Variants in MAP7 observed in about 807,000 individuals in gnomAD.
MAP7 encodes the protein microtubule associated protein 7, also known as ensconsin.
A neutral mutation model predicts 94.8 loss-of-function variants in MAP7; 52 were observed. The ratio of observed to expected loss-of-function variants is 0.55; its 90% confidence interval spans 0.44 to 0.69. The LOEUF (loss-of-function observed/expected upper bound fraction) is 0.69. MAP7 is among the 30% of genes least tolerant of loss of function. The pLI, the probability that MAP7 is intolerant of heterozygous loss-of-function variation, is 0.00. For missense variants in MAP7, 940 were observed against 964.6 expected (o/e 0.97, Z 0.34); for synonymous variants, 350 against 357.0 (o/e 0.98, Z 0.22).
intron 6 of MAP7, among the ~76,000 whole-genome samples, chr6:136,379,444 T>C (rs1777121964): frequency 1.3e-5 from 2 of 152,188 alleles, no homozygotes; most frequent in Admixed American, 6.5e-5. Context: ...ACTACTGCAA[T>C]AGTTACAATT....
Position 136,544,863 on chromosome 6 carries a change from G to A in MAP7, c.67+5479C>T, listed in dbSNP as rs552855012. On this transcript the variant is annotated intron_variant, in intron 1 of 17. Transcript: ENST00000354570. Reference sequence around the variant, plus strand: ...TAGTCCCAGCTACTCGAACAGCTAAGCCGGGAGGATCACTTGAGCCCAGGA... The same window carrying A: ...TAGTCCCAGCTACTCGAACAGCTAAACCGGGAGGATCACTTGAGCCCAGGA... Among the ~76,000 whole-genome samples the A allele has an allele frequency of 1.9e-4, 29 of 152,220 alleles. 1 individual carries two copies. The South Asian group carries it at 5.8e-3, about 30-fold the overall frequency.
intron 1 of MAP7, among the ~76,000 whole-genome samples, chr6:136,534,195 T>C (rs913984029): frequency 6.6e-6 from 1 of 152,204 alleles, no homozygotes; most frequent in Non-Finnish European, 1.5e-5. Context: ...ATATATTGTA[T>C]ATAAAGACTT....
intron 1 of MAP7, among the ~76,000 whole-genome samples, chr6:136,470,821 T>C (rs1419059050): frequency 4.6e-5 from 7 of 152,018 alleles, no homozygotes; most frequent in South Asian, 2.1e-4. Flanking sequence ...TGAAAGCATA[T>C]GGATAGGCTA....
chr6:136,360,165 T>C, intron 13 of MAP7, 134 bp from the exon 14 acceptor site: 1 of 736,616 alleles, frequency 1.4e-6, no homozygotes, highest in Non-Finnish European at 2.2e-6. Flanking sequence ...TTTTTTTTTT[T>C]TTTTGAGATG....
chr6:136,533,264 C>T (rs934275711), intron 1 of MAP7, among the ~76,000 whole-genome samples: 15 of 152,196 alleles, frequency 9.9e-5, no homozygotes, highest in African/African-American at 2.2e-4. Flanking sequence ...AAGAGTGAAA[C>T]GCCATCTAAA....
At chr6:136,524,218 T>G (rs1382091720) in intron 1 of MAP7, among the ~76,000 whole-genome samples, 4 of 152,044 alleles carry the variant, frequency 2.6e-5, no homozygotes, top group African/African-American at 7.2e-5. Flanking sequence ...CACTCCAGCC[T>G]GGGCAACAGA....
intron 1 of MAP7, among the ~76,000 whole-genome samples, chr6:136,434,596 GA>G (rs1795861817): frequency 6.8e-6 from 1 of 147,024 alleles, no homozygotes; most frequent in South Asian, 2.4e-4. Flanking sequence ...ACTAGGCAAG[GA>G]ATTTTTTTTT....
chr6:136,408,176 G>C (rs1308202679), intron 3 of MAP7, among the ~76,000 whole-genome samples: 1 of 151,934 alleles, frequency 6.6e-6, no homozygotes, highest in Non-Finnish European at 1.5e-5. Context: ...GAGTTTGAGG[G>C]GATAGAATCA....
At chr6:136,434,823 G>A (rs979498010) in intron 1 of MAP7, among the ~76,000 whole-genome samples, 2 of 152,198 alleles carry the variant, frequency 1.3e-5, no homozygotes, top group Non-Finnish European at 2.9e-5. Flanking sequence ...TGTGGCAGGC[G>A]CCACAACCTG....
intron 1 of MAP7, among the ~76,000 whole-genome samples, chr6:136,478,214 C>A (rs1367407536): frequency 6.6e-6 from 1 of 152,088 alleles, no homozygotes; most frequent in Non-Finnish European, 1.5e-5. Context: ...AGTAACCTAA[C>A]AACATTGTAC....
chr6:136,478,979 C>CAAAAAAA (rs59319740), intron 1 of MAP7, among the ~76,000 whole-genome samples: 4 of 45,570 alleles, frequency 8.8e-5, no homozygotes, highest in East Asian at 5.2e-4. Flanking sequence ...ACAGACACAT[C>CAAAAAAA]AAAAAAAAAA....
chr6:136,489,216 G>C (rs975416177), intron 1 of MAP7, among the ~76,000 whole-genome samples: 3 of 152,010 alleles, frequency 2.0e-5, no homozygotes, highest in Admixed American at 2.0e-4. Context: ...CCATCTGTTG[G>C]GGGGAAGGGG....
At chr6:136,401,485 C>T (rs1334190602) in intron 3 of MAP7, among the ~76,000 whole-genome samples, 10 of 152,166 alleles carry the variant, frequency 6.6e-5, no homozygotes, top group Admixed American at 1.3e-4. Context: ...TTTGTAGGGA[C>T]ATGGATAAAG....
chr6:136,493,486 T>C (rs187978269), intron 1 of MAP7, among the ~76,000 whole-genome samples: 7 of 152,196 alleles, frequency 4.6e-5, no homozygotes, highest in Admixed American at 3.3e-4. Context: ...GGCTTGAACA[T>C]TGTTCACTAC....
At chr6:136,432,810 C>T (rs3799420) in intron 1 of MAP7, among the ~76,000 whole-genome samples, 134,451 of 152,212 alleles carry the variant, frequency 0.88, 59,640 homozygotes, top group African/African-American at 0.96. Flanking sequence ...TTAGATTTTC[C>T]ATACTACAGA....
intron 1 of MAP7, among the ~76,000 whole-genome samples, chr6:136,478,015 C>T (rs75494193): frequency 0.014 from 2,093 of 152,196 alleles, 85 homozygotes; most frequent in East Asian, 0.14. Context: ...ATTTTGAAAA[C>T]TACACAAATG....
intron 3 of MAP7, among the ~76,000 whole-genome samples, chr6:136,402,910 A>T: frequency 1.4e-4 from 1 of 7,056 alleles, no homozygotes. Context: ...TGTCTCAAAA[A>T]AAAAAAAAAA....
At chr6:136,516,791 G>A (rs1362697640) in intron 1 of MAP7, among the ~76,000 whole-genome samples, 1 of 152,086 alleles carries the variant, frequency 6.6e-6, no homozygotes, top group East Asian at 1.9e-4. Flanking sequence ...CTGAAAATAA[G>A]TATGTGAAAA....
At chr6:136,491,772 TC>T (rs1318259841) in intron 1 of MAP7, among the ~76,000 whole-genome samples, 1 of 152,216 alleles carries the variant, frequency 6.6e-6, no homozygotes, top group African/African-American at 2.4e-5. Flanking sequence ...AAAATGATGC[TC>T]CTGTAATCCT....
Sources: allele counts gnomAD v4.1 joint callset (sites outside exome capture counted in the v4.1 genomes callset), GRCh38; gene constraint gnomAD v4.1.1; transcripts MANE v1.5; gene names NCBI Gene and HGNC (gene_info 2026-07-23, HGNC 2026-07-21).